Variants in NADSYN1 observed in about 807,000 individuals in gnomAD.
The protein encoded by NADSYN1 is glutamine-dependent NAD(+) synthetase.
In NADSYN1, 80 loss-of-function variants were observed where a neutral mutation model predicts 99.3. The ratio of observed to expected loss-of-function variants is 0.81; its 90% CI spans 0.67 to 0.97. The LOEUF is 0.97. NADSYN1 is among the 50% of genes least tolerant of loss of function. The pLI, the probability that NADSYN1 is intolerant of heterozygous loss-of-function variation, is 0.00. For synonymous variants in NADSYN1, 385 were observed against 372.1 expected, an observed-to-expected ratio of 1.03 and a Z score of -0.40; for missense variants, 859 against 948.5, an observed-to-expected ratio of 0.91 and a Z score of 1.24.
chr11:71,477,835 T>C (rs1031326985), intron 9 of NADSYN1, among the ~76,000 whole-genome samples: 12 of 152,180 alleles, frequency 7.9e-5, no homozygotes, highest in African/African-American at 2.4e-4. Context: ...TCCGCCCTCC[T>C]CTGTGTTGGC....
intron 16 of NADSYN1, among the ~76,000 whole-genome samples, chr11:71,486,796 CTTTTTTTTTTTTTTTTT>C (rs57662255): frequency 6.6e-5 from 4 of 60,968 alleles, no homozygotes; most frequent in Non-Finnish European, 1.1e-4. Flanking sequence ...GCGTGAGTGT[CTTTTTTTTTTTTTTTTT>C]TTTTTTTTTT....
Position 71,463,441 on chromosome 11 carries a change from G to A in NADSYN1, c.273G>A (p.Met91Ile), listed in dbSNP as rs1949564135. 1 of 1,614,060 alleles carries A rather than the reference G, an allele frequency of 6.2e-7. No homozygotes were observed. The highest frequency in any genetic ancestry group is 8.5e-7 in the Non-Finnish European group (1 of 1,179,958). ...DIICDVGMPV[M>I]HRNVRYNCRV... ...CCCCTCTCTCCTGCAGGCCTGTAAT[G>A]CACCGAAACGTCCGCTACAACTGCA... The change falls in exon 4 of 21, where the codon ATG (methionine) becomes ATA (isoleucine). Residue 91 changes from methionine (M) to isoleucine (I), a missense_variant. Transcript: ENST00000319023.
At chr11:71,463,002 C>T (rs1173348205) in intron 3 of NADSYN1, among the ~76,000 whole-genome samples, 2 of 152,118 alleles carry the variant, frequency 1.3e-5, no homozygotes, top group Non-Finnish European at 2.9e-5. Context: ...AGGGCCAGCC[C>T]GGAGCAGCAA....
intron 19 of NADSYN1, among the ~76,000 whole-genome samples, 154 bp downstream of exon 19, chr11:71,497,765 C>T (rs960938560): frequency 2.6e-5 from 4 of 152,114 alleles, no homozygotes; most frequent in Non-Finnish European, 5.9e-5. Flanking sequence ...TTATTTTTAC[C>T]CACTCTGATC....
At chr11:71,466,530 G>T (rs996220054) in intron 5 of NADSYN1, among the ~76,000 whole-genome samples, 8 of 152,176 alleles carry the variant, frequency 5.3e-5, no homozygotes, top group Non-Finnish European at 8.8e-5. Flanking sequence ...GATCTCCGTG[G>T]GTGGATGGCT....
In NADSYN1 at chr11:71,501,354, G is replaced by A. The variant is rs575795916; in HGVS notation, c.*2G>A. 5.0e-6 allele frequency: 8 copies of A among 1,604,252 alleles called. No homozygotes were observed. In the South Asian group the frequency reaches 6.8e-5, roughly 14 times the overall value. On this transcript the variant is annotated 3_prime_UTR_variant, in exon 21 of 21. Transcript: ENST00000319023. ...CAGTCCCTGGACGGCGTGGACTGAG[G>A]CCGGTTCCTTCCTGGAGGCCTCCTG...
Position 71,484,251 on chromosome 11 carries a change from T to C in NADSYN1, c.1320-61T>C. 3 of 1,584,930 alleles carry C rather than the reference T, an allele frequency of 1.9e-6. No individual in the cohort carries two copies. In the South Asian group the frequency reaches 3.4e-5, roughly 18 times the overall value. On this transcript the variant is annotated intron_variant, in intron 14 of 20. Coordinates refer to ENST00000319023, the MANE Select transcript of NADSYN1 (RefSeq NM_018161.5). ...TAGGTCATCAGGGCTTCACCGCTCA[T>C]GCGCACACACATGCACACACGTGCA...
In NADSYN1 at chr11:71,474,440, G is replaced by T. The variant is rs1452678980; in HGVS notation, c.712G>T (p.Asp238Tyr). The T allele has an allele frequency of 1.9e-6, 3 of 1,614,098 alleles. No homozygotes were observed. The highest frequency in any genetic ancestry group is 2.7e-5 in the African/African-American group (2 of 74,944). ...GGCCAACCAGAAGGGTTGTGACGGG[G>T]ACCGCCTGTACTACGACGGCTGTGC... The part of the protein sequence containing the change: ...LLANQKGCDG[D>Y]RLYYDGCAMI... The change falls in exon 9 of 21, where the codon GAC becomes TAC. Residue 238 changes from aspartate (D) to tyrosine (Y), a missense_variant. Asp to Tyr is a radical substitution (Grantham distance 160, BLOSUM62 -3). Coordinates refer to ENST00000319023, the MANE Select transcript of NADSYN1 (RefSeq NM_018161.5).
chr11:71,492,758 T>G (rs920123130), intron 18 of NADSYN1, among the ~76,000 whole-genome samples: 1 of 152,208 alleles, frequency 6.6e-6, no homozygotes. Flanking sequence ...GCTTTTGCGT[T>G]TTGACGGGGA....
intron 1 of NADSYN1, among the ~76,000 whole-genome samples, chr11:71,453,634 G>A (rs781136584): frequency 6.6e-6 from 1 of 152,200 alleles, no homozygotes; most frequent in Non-Finnish European, 1.5e-5. Context: ...CGGCTTAGGC[G>A]GGAGGCCTGG....
Position 71,463,455 on chromosome 11 carries a change from G to T in NADSYN1, c.287G>T (p.Arg96Leu). 6.2e-7 allele frequency: 1 copy of T among 1,614,010 alleles called. No homozygotes were observed. The change falls in exon 4 of 21, where the codon CGC (arginine) becomes CTC (leucine). Residue 96 changes from arginine to leucine, a missense_variant. Coordinates refer to ENST00000319023, the MANE Select transcript of NADSYN1 (RefSeq NM_018161.5). ...AGGCCTGTAATGCACCGAAACGTCC[G>T]CTACAACTGCAGAGTGATATTCCTC... ...VGMPVMHRNV[R>L]YNCRVIFLNR...
At chr11:71,497,717 C>A (rs754441225) in intron 19 of NADSYN1, 106 bp downstream of exon 19, 11 of 1,390,792 alleles carry the variant, frequency 7.9e-6, no homozygotes, top group Non-Finnish European at 1.0e-5. Context: ...GTGACCCTAA[C>A]GTAATAAAAC....
intron 5 of NADSYN1, among the ~76,000 whole-genome samples, chr11:71,466,366 A>T (rs1792227): frequency 6.6e-6 from 1 of 151,902 alleles, no homozygotes; most frequent in African/African-American, 2.4e-5. Context: ...CCTGTCTCCC[A>T]GGCCTAGTGT....
Position 71,453,238 on chromosome 11 carries a change from G to A in NADSYN1, c.-59G>A, listed in dbSNP as rs1591118597. On this transcript the variant is annotated 5_prime_UTR_variant, in exon 1 of 21. Coordinates refer to ENST00000319023, the MANE Select transcript of NADSYN1 (RefSeq NM_018161.5). ...GTCCGGCGTCCCAGCCGCCTACCTC[G>A]CTGGGACCCTGGTCTTGCTGTCCCC... 2.0e-6 allele frequency: 3 copies of A among 1,508,632 alleles called. No individual in the cohort carries two copies. Among genetic ancestry groups the A allele is most frequent in the Admixed American group, 1.8e-5 (1 of 56,084 alleles). 93.5% of individuals were successfully genotyped at this position (1,508,632 alleles called of 1,614,324 possible).
rs528067720 is a variant in NADSYN1 at position 71,474,485 on chromosome 11, A to G, written c.757A>G (p.Ser253Gly). The part of the protein sequence containing the change: ...DGCAMIAMNG[S>G]VFAQGSQFSL... ...CTGTGCCATGATTGCCATGAACGGA[A>G]GCGTCTTTGCTCAAGGATCCCAGTT... The change falls in exon 9 of 21, where the codon AGC (serine) becomes GGC (glycine). Residue 253 changes from serine to glycine, a missense_variant. By Grantham distance (56) the Ser-to-Gly change is moderately conservative. Transcript: ENST00000319023. The G allele has an allele frequency of 1.2e-6, 2 of 1,614,168 alleles. No individual in the cohort carries two copies. Among genetic ancestry groups the G allele is most frequent in the Middle Eastern group, 3.3e-4 (2 of 6,062 alleles).
intron 5 of NADSYN1, among the ~76,000 whole-genome samples, chr11:71,470,532 A>C (rs747260867): frequency 6.6e-5 from 10 of 152,198 alleles, no homozygotes; most frequent in Non-Finnish European, 1.3e-4. Flanking sequence ...CTTTTGCATA[A>C]TATATTTTGC....
rs2120412304 is a variant in NADSYN1, at chr11:71,463,452, T to C, written c.284T>C (p.Val95Ala). 1 of 1,613,796 alleles carries C rather than the reference T, an allele frequency of 6.2e-7. No individual in the cohort carries two copies. Among genetic ancestry groups the C allele is most frequent in the Non-Finnish European group, 8.5e-7 (1 of 1,179,920 alleles). ...DVGMPVMHRN[V>A]RYNCRVIFLN... ...TGCAGGCCTGTAATGCACCGAAACG[T>C]CCGCTACAACTGCAGAGTGATATTC... Residue 95 changes from valine (V) to alanine (A), a missense_variant, in exon 4 of 21, where the codon GTC (valine) becomes GCC (alanine). By Grantham distance (64) the Val-to-Ala change is moderately conservative. Coordinates refer to ENST00000319023, the MANE Select transcript of NADSYN1 (RefSeq NM_018161.5).
intron 20 of NADSYN1, 37 bp downstream of exon 20, chr11:71,498,565 A>G (rs1272666091): frequency 6.2e-7 from 1 of 1,604,214 alleles, no homozygotes; most frequent in Non-Finnish European, 8.5e-7. Flanking sequence ...TCCATGTTTC[A>G]TGTCTGTAGA....
intron 20 of NADSYN1, 113 bp downstream of exon 20, chr11:71,498,641 T>C (rs972801769): frequency 5.3e-5 from 63 of 1,191,324 alleles, no homozygotes; most frequent in Non-Finnish European, 6.4e-5. Context: ...ACTTTTTTAC[T>C]GTCCTCCTTT....
Sources: allele counts gnomAD v4.1 joint callset (sites outside exome capture counted in the v4.1 genomes callset), GRCh38; gene constraint gnomAD v4.1.1; transcripts MANE v1.5; gene names NCBI Gene and HGNC (gene_info 2026-07-23, HGNC 2026-07-21).